The following RASA3 variants were observed in gnomAD, a reference collection of about 807,000 sequenced individuals.
RASA3 encodes the protein RAS p21 protein activator 3, also known as ras GTPase-activating protein 3.
In RASA3, 73 loss-of-function variants were observed where a neutral mutation model predicts 110.0. That is an observed-to-expected ratio of 0.66 (90% CI 0.55 to 0.81). RASA3 has a LOEUF of 0.81. Ranked by LOEUF, RASA3 falls within the 30% of genes least tolerant of loss-of-function variation. RASA3 has a pLI of 0.00. For missense variants in RASA3, 976 were observed against 1,113.2 expected (o/e 0.88, Z 1.75); for synonymous variants, 500 against 451.4 (o/e 1.11, Z -1.37).
At chr13:113,995,620 G>T (rs1482933370) in intron 21 of RASA3, among the ~76,000 whole-genome samples, 1 of 150,178 alleles carries the variant, frequency 6.7e-6, no homozygotes, top group Non-Finnish European at 1.5e-5. Context: ...CCCTGCTGAT[G>T]GGGGGCCTGA....
At chr13:114,015,372 G>GCC in intron 13 of RASA3, 40 bp from the exon 14 acceptor site, 1 of 1,607,898 alleles carries the variant, frequency 6.2e-7, no homozygotes, top group South Asian at 1.1e-5. Flanking sequence ...TCCCGAGGCT[G>GCC]CCCACAGGTG....
chr13:113,980,144 C>T (rs978564815), intron 23 of RASA3, among the ~76,000 whole-genome samples: 1 of 144,316 alleles, frequency 6.9e-6, no homozygotes, highest in Non-Finnish European at 1.5e-5. Flanking sequence ...TACCTCCTGC[C>T]ACGTGTGTGC....
chr13:114,097,477 G>C (rs952878938), intron 1 of RASA3, among the ~76,000 whole-genome samples: 5 of 152,240 alleles, frequency 3.3e-5, no homozygotes, highest in Admixed American at 2.0e-4. Context: ...ACAGCGAAGA[G>C]GCAGGCAGCA....
intron 3 of RASA3, 53 bp downstream of exon 3, chr13:114,051,999 G>A (rs568975267): frequency 3.6e-5 from 51 of 1,405,512 alleles, no homozygotes; most frequent in African/African-American, 1.8e-4. Context: ...GCTAATACTC[G>A]CCTGGTACAG....
intron 1 of RASA3, among the ~76,000 whole-genome samples, chr13:114,106,083 C>T (rs568890628): frequency 3.5e-4 from 53 of 152,256 alleles, no homozygotes; most frequent in African/African-American, 1.3e-3. Flanking sequence ...CATCGCAGAG[C>T]GGCACACGGC....
intron 18 of RASA3, among the ~76,000 whole-genome samples, chr13:114,005,158 T>C (rs1042175273): frequency 2.6e-5 from 4 of 152,066 alleles, no homozygotes; most frequent in Admixed American, 6.5e-5. Flanking sequence ...AATGAGAAAT[T>C]ACTCAGTGGG....
At chr13:114,059,911 G>A (rs1222589971) in intron 2 of RASA3, among the ~76,000 whole-genome samples, 1 of 152,250 alleles carries the variant, frequency 6.6e-6, no homozygotes, top group Non-Finnish European at 1.5e-5. Flanking sequence ...GCCAGCCAAA[G>A]AGCACACAGA....
intron 18 of RASA3, among the ~76,000 whole-genome samples, chr13:114,005,679 G>A (rs1394992217): frequency 1.3e-5 from 2 of 152,156 alleles, no homozygotes; most frequent in African/African-American, 4.8e-5. Flanking sequence ...GGCTGCCCCC[G>A]ACTAGGGAAT....
At chr13:114,062,423 T>C (rs983294739) in intron 2 of RASA3, among the ~76,000 whole-genome samples, 14 of 152,026 alleles carry the variant, frequency 9.2e-5, no homozygotes, top group Non-Finnish European at 1.8e-4. Flanking sequence ...AACACACAAC[T>C]TGTGCAAAGG....
At chr13:114,033,130 C>G (rs1187127240) in intron 4 of RASA3, among the ~76,000 whole-genome samples, 1 of 100,716 alleles carries the variant, frequency 9.9e-6, no homozygotes, top group Non-Finnish European at 2.0e-5. Context: ...TCCACGGAAC[C>G]CCCGCACTGA....
chr13:114,033,260 A>G (rs1490785673), intron 4 of RASA3, among the ~76,000 whole-genome samples: 1 of 71,082 alleles, frequency 1.4e-5, no homozygotes, highest in African/African-American at 5.6e-5. Context: ...CACACTTGAC[A>G]CCACGTTCCA....
At chr13:114,131,126 G>C (rs2080512561) in intron 1 of RASA3, among the ~76,000 whole-genome samples, 1 of 152,240 alleles carries the variant, frequency 6.6e-6, no homozygotes, top group African/African-American at 2.4e-5. Context: ...CAAATATCAA[G>C]ACAGTGTCTC....
At chr13:114,093,278 T>C (rs956590570) in intron 1 of RASA3, among the ~76,000 whole-genome samples, 1 of 152,224 alleles carries the variant, frequency 6.6e-6, no homozygotes, top group Non-Finnish European at 1.5e-5. Flanking sequence ...CAGCTTTTGT[T>C]TGTCTGAGAA....
intron 10 of RASA3, 44 bp from the exon 11 acceptor site, chr13:114,018,296 A>G: frequency 6.5e-7 from 1 of 1,535,256 alleles, no homozygotes. Context: ...GGGGTGCAGG[A>G]ACCCCAGAGG....
At chr13:114,079,917 C>T (rs1360548026) in intron 1 of RASA3, among the ~76,000 whole-genome samples, 1 of 152,024 alleles carries the variant, frequency 6.6e-6, no homozygotes, top group Admixed American at 6.5e-5. Flanking sequence ...GAGGAAGAGG[C>T]GGGGGGGCCC....
At chr13:114,026,174 G>A (rs1337754501) in intron 7 of RASA3, among the ~76,000 whole-genome samples, 1 of 152,244 alleles carries the variant, frequency 6.6e-6, no homozygotes, top group South Asian at 2.1e-4. Flanking sequence ...CACTGCAAGC[G>A]TGATGAGCAC....
chr13:114,127,727 GCAA>G (rs1377448633), intron 1 of RASA3, among the ~76,000 whole-genome samples: 1 of 152,124 alleles, frequency 6.6e-6, no homozygotes, highest in African/African-American at 2.4e-5. Flanking sequence ...ACCAGCCTGG[GCAA>G]CACAGTGAGG....
At position 114,105,708 on chromosome 13, in the gene RASA3, A is replaced by G. The variant is rs756625410; in HGVS notation, c.55+26727T>C. Among the ~76,000 whole-genome samples the G allele has an allele frequency of 7.3e-4, 111 of 152,212 alleles. 2 individuals carry two copies. The highest frequency in any genetic ancestry group is 2.5e-4 in the Non-Finnish European group (17 of 68,026). On this transcript the variant is annotated intron_variant, in intron 1 of 23. Transcript: ENST00000334062. ...CCACAGCATTCCAGAAACGACAGAA[A>G]CCAGGCCAGGCTCTGAGCAGCCCGT...
rs2139017813 is a variant in RASA3, at chr13:113,979,153, T to A, written c.*194A>T. The A allele has an allele frequency of 1.7e-6, 1 of 597,284 alleles. No individual in the cohort carries two copies. The highest frequency in any genetic ancestry group is 3.0e-6 in the Non-Finnish European group (1 of 334,578). 37.0% of individuals were successfully genotyped at this position (597,284 alleles called of 1,614,324 possible). On this transcript the variant is annotated 3_prime_UTR_variant, in exon 24 of 24. Coordinates refer to ENST00000334062, the MANE Select transcript of RASA3 (RefSeq NM_007368.4). ...TGACGACACGTTCCACAGGGCCAGG[T>A]GGGCTTTCTGCGGAGGGCGTGGCGG... is the stretch of plus-strand genomic sequence containing the variant.
Sources: allele counts gnomAD v4.1 joint callset (sites outside exome capture counted in the v4.1 genomes callset), GRCh38; gene constraint gnomAD v4.1.1; transcripts MANE v1.5; gene names NCBI Gene and HGNC (gene_info 2026-07-23, HGNC 2026-07-21).